Variants in ANXA7 observed in about 807,000 individuals in gnomAD.
The protein encoded by ANXA7 is annexin VII.
Under a neutral mutation model 64.9 loss-of-function variants are expected in ANXA7, and 55 were observed. That is an observed-to-expected ratio of 0.85 (90% CI 0.68 to 1.06). The LOEUF is 1.06. ANXA7 is among the 50% of genes least tolerant of loss of function. The pLI is 0.00. For synonymous variants in ANXA7, 200 were observed against 192.4 expected (o/e 1.04, Z -0.33); for missense variants, 548 against 582.1 (o/e 0.94, Z 0.60).
intron 12 of ANXA7, among the ~76,000 whole-genome samples, chr10:73,377,767 G>GTGTGTGTGTGT (rs2055199324): frequency 8.8e-6 from 1 of 114,204 alleles, no homozygotes; most frequent in Non-Finnish European, 1.7e-5. Flanking sequence ...CCGGGGGGTG[G>GTGTGTGTGTGT]GTGTGGGTGT....
chr10:73,396,425 G>T, intron 5 of ANXA7, 94 bp downstream of exon 5: 1 of 868,376 alleles, frequency 1.2e-6, no homozygotes, highest in Non-Finnish European at 1.8e-6. Context: ...ACTATAATGG[G>T]CCATTTCCTC....
intron 7 of ANXA7, among the ~76,000 whole-genome samples, 179 bp downstream of exon 7, chr10:73,387,510 A>G (rs907255414): frequency 6.6e-6 from 1 of 151,916 alleles, no homozygotes; most frequent in Non-Finnish European, 1.5e-5. Context: ...GCGAGACTTC[A>G]TCTCAAAACA....
At chr10:73,396,996 C>T (rs557756361) in intron 4 of ANXA7, among the ~76,000 whole-genome samples, 168 bp downstream of exon 4, 111 of 152,168 alleles carry the variant, frequency 7.3e-4, no homozygotes, top group African/African-American at 2.5e-3. Flanking sequence ...ACTGATTAAA[C>T]TTTTCCATCA....
At chr10:73,400,711 C>T in intron 2 of ANXA7, 92 bp downstream of exon 2, 2 of 1,006,602 alleles carry the variant, frequency 2.0e-6, no homozygotes, top group Non-Finnish European at 2.9e-6. Flanking sequence ...GAATTTATGA[C>T]CCCTGCTCAA....
At position 73,404,845 on chromosome 10, in the gene ANXA7, C is replaced by T. The variant is rs187580161; in HGVS notation, c.-1-3988G>A. 4.8e-3 allele frequency among the ~76,000 whole-genome samples: 732 copies of T among 152,188 alleles called. 1 individual carries two copies. Among genetic ancestry groups the T allele is most frequent in the Non-Finnish European group, 8.6e-3 (588 of 68,012 alleles). ...TGATCAAATCTAAAACACGGCCAGG[C>T]GCAGTAGTTCACGCCTGTAATCTGA... is the stretch of plus-strand genomic sequence containing the variant. On this transcript the variant is annotated intron_variant, in intron 1 of 12. Transcript: ENST00000372921.
Position 73,379,663 on chromosome 10 carries a change from C to T in ANXA7, c.1165+216G>A, listed in dbSNP as rs191389007. On this transcript the variant is annotated intron_variant, in intron 11 of 12. Coordinates refer to ENST00000372921, the MANE Select transcript of ANXA7 (RefSeq NM_001156.5). The stretch of plus-strand genomic sequence containing the variant: ...ACAGCCCTGTTTGATCACAGAACTA[C>T]CATTCATAGGAAATTGTATGTAAAA... 1.8e-3 allele frequency among the ~76,000 whole-genome samples: 280 copies of T among 152,272 alleles called. 1 individual carries two copies. Among genetic ancestry groups the T allele is most frequent in the Middle Eastern group, 6.8e-3 (2 of 294 alleles).
chr10:73,395,828 T>C lies in ANXA7; in HGVS notation c.435+691A>G, dbSNP rs540208514. On this transcript the variant is annotated intron_variant, in intron 5 of 12. Transcript: ENST00000372921. Reference sequence around the variant, plus strand: ...AAGCCATACGGAGTAGGGCAAATATTTGACATATAGGAAACTCTGCAGCTA... The same window carrying C: ...AAGCCATACGGAGTAGGGCAAATATCTGACATATAGGAAACTCTGCAGCTA... 5.9e-5 allele frequency: 38 copies of C among 648,634 alleles called. No homozygotes were observed. In the African/African-American group the frequency reaches 6.1e-4, roughly 10 times the overall value. 40.2% of individuals were successfully genotyped at this position (648,634 alleles called of 1,614,324 possible).
chr10:73,395,502 G>C (rs1271897321), intron 5 of ANXA7, among the ~76,000 whole-genome samples: 1 of 152,194 alleles, frequency 6.6e-6, no homozygotes, highest in African/African-American at 2.4e-5. Context: ...TAAGAAGCCA[G>C]GCCGTGCGTG....
At chr10:73,396,074 G>A (rs1564529062) in intron 5 of ANXA7, 17 of 1,597,968 alleles carry the variant, frequency 1.1e-5, no homozygotes, top group East Asian at 2.2e-5. Flanking sequence ...AAACAGGAGA[G>A]AAAACAGGAT....
At chr10:73,412,729 C>G (rs2055864549) in intron 1 of ANXA7, among the ~76,000 whole-genome samples, 1 of 151,378 alleles carries the variant, frequency 6.6e-6, no homozygotes, top group South Asian at 2.1e-4. Context: ...TCCTCCTGAC[C>G]TCGTGAATCT....
intron 1 of ANXA7, among the ~76,000 whole-genome samples, chr10:73,411,447 T>C (rs538003499): frequency 2.0e-5 from 3 of 152,174 alleles, no homozygotes; most frequent in African/African-American, 7.2e-5. Flanking sequence ...TGAAATTTTA[T>C]CTTTTTTTTT....
intron 8 of ANXA7, 69 bp downstream of exon 8, chr10:73,383,508 G>T: frequency 7.4e-7 from 1 of 1,351,012 alleles, no homozygotes; most frequent in Non-Finnish European, 1.0e-6. Flanking sequence ...ATTCAGAACT[G>T]TCATAATTTG....
chr10:73,380,255 T>G, intron 9 of ANXA7, 54 bp from the exon 10 acceptor site: 1 of 1,549,194 alleles, frequency 6.5e-7, no homozygotes, highest in Non-Finnish European at 8.7e-7. Flanking sequence ...TCTACTAAAT[T>G]TTTTTTTTCC....
chr10:73,390,690 T>TAAAATATATATATATATATATATATATA (rs1564526373), intron 5 of ANXA7, among the ~76,000 whole-genome samples: 5 of 123,782 alleles, frequency 4.0e-5, no homozygotes, highest in East Asian at 4.7e-4. Flanking sequence ...TTCTCTTTTG[T>TAAAATATATATATATATATATATATATA]AAAATATATA....
Position 73,376,032 on chromosome 10 carries a change from C to A in ANXA7, c.*63G>T, listed in dbSNP as rs2055163354. ...ATGTTTGATATTGCTGCATGCAGGT[C>A]ATTGCTCTGAAGGATAAGCTATGAA... is the stretch of plus-strand genomic sequence containing the variant. On this transcript the variant is annotated 3_prime_UTR_variant, in exon 13 of 13. Transcript: ENST00000372921. 11 of 1,373,020 alleles carry A rather than the reference C, an allele frequency of 8.0e-6. No individual in the cohort carries two copies. Among genetic ancestry groups the A allele is most frequent in the South Asian group, 6.2e-5 (4 of 64,432 alleles). The allele number at this position is 1,373,020 out of a possible 1,614,324, so 85.1% of individuals were successfully genotyped here.
chr10:73,413,521 AC>A (rs924581482), intron 1 of ANXA7, among the ~76,000 whole-genome samples: 1 of 152,342 alleles, frequency 6.6e-6, no homozygotes, highest in Admixed American at 6.5e-5. Flanking sequence ...GCTTCCAAGA[AC>A]TGTAAACGAG....
chr10:73,394,099 C>A (rs1589656467), intron 5 of ANXA7, among the ~76,000 whole-genome samples: 1 of 152,130 alleles, frequency 6.6e-6, no homozygotes, highest in East Asian at 1.9e-4. Context: ...AGCCAACAGA[C>A]ACATGAAAAA....
At chr10:73,384,649 C>T (rs2055333282) in intron 7 of ANXA7, among the ~76,000 whole-genome samples, 1 of 151,976 alleles carries the variant, frequency 6.6e-6, no homozygotes. Flanking sequence ...GATACACCCG[C>T]CTTGGCCTCC....
At chr10:73,407,846 G>A (rs1032265895) in intron 1 of ANXA7, among the ~76,000 whole-genome samples, 4 of 152,194 alleles carry the variant, frequency 2.6e-5, no homozygotes, top group Non-Finnish European at 5.9e-5. Flanking sequence ...ATTGAATCAA[G>A]GCTATAAGTC....
Sources: allele counts gnomAD v4.1 joint callset (sites outside exome capture counted in the v4.1 genomes callset), GRCh38; gene constraint gnomAD v4.1.1; transcripts MANE v1.5; gene names NCBI Gene and HGNC (gene_info 2026-07-23, HGNC 2026-07-21).